Variants in EYS observed in about 807,000 individuals in gnomAD.
EYS encodes protein eyes shut homolog.
Under a neutral mutation model 282.1 loss-of-function variants are expected in EYS, and 250 were observed. The observed-to-expected ratio is 0.89, with a 90% CI of 0.80 to 0.98. EYS has a LOEUF of 0.98. Ranked by LOEUF, EYS falls within the 50% of genes least tolerant of loss-of-function variation. EYS has a pLI of 0.00. For synonymous variants in EYS, 1,355 were observed against 1,282.9 expected (o/e 1.06, Z -1.20); for missense variants, 4,016 against 3,709.0 (o/e 1.08, Z -2.15).
At chr6:64,292,071 A>G (rs1312902751) in intron 30 of EYS, among the ~76,000 whole-genome samples, 3 of 152,124 alleles carry the variant, frequency 2.0e-5, no homozygotes, top group Admixed American at 2.0e-4. Flanking sequence ...AATTTTCCTA[A>G]GATTATGTCA....
chr6:64,278,848 C>T (rs150347486), intron 30 of EYS, among the ~76,000 whole-genome samples: 2 of 152,086 alleles, frequency 1.3e-5, no homozygotes, highest in African/African-American at 2.4e-5. Context: ...ACTGTAACCT[C>T]GAACTCCTGG....
intron 13 of EYS, among the ~76,000 whole-genome samples, chr6:65,055,525 T>C (rs1362755575): frequency 6.6e-6 from 1 of 152,078 alleles, no homozygotes; most frequent in East Asian, 1.9e-4. Context: ...TTTCCTTAGT[T>C]TTAAGCTGAT....
chr6:64,151,769 C>G (rs545320861), intron 31 of EYS, among the ~76,000 whole-genome samples: 2 of 152,078 alleles, frequency 1.3e-5, no homozygotes, highest in African/African-American at 4.8e-5. Flanking sequence ...ACTGTAGAAG[C>G]AGTAATATTT....
chr6:65,040,534 A>C (rs1772902443), intron 13 of EYS, among the ~76,000 whole-genome samples: 1 of 151,800 alleles, frequency 6.6e-6, no homozygotes, highest in South Asian at 2.1e-4. Context: ...ATTTACAAAT[A>C]ACATTACATT....
intron 22 of EYS, among the ~76,000 whole-genome samples, chr6:64,674,116 G>T (rs771980957): frequency 7.9e-5 from 12 of 151,964 alleles, no homozygotes; most frequent in Non-Finnish European, 1.2e-4. Flanking sequence ...TTGCATAGAG[G>T]CCTATGAACT....
At chr6:65,008,750 C>A (rs1374827308) in intron 13 of EYS, among the ~76,000 whole-genome samples, 1 of 152,154 alleles carries the variant, frequency 6.6e-6, no homozygotes, top group South Asian at 2.1e-4. Flanking sequence ...GTGCCTGGGG[C>A]AAGCGCCAGC....
At chr6:64,114,761 G>A (rs1773318480) in intron 31 of EYS, among the ~76,000 whole-genome samples, 1 of 152,106 alleles carries the variant, frequency 6.6e-6, no homozygotes, top group Non-Finnish European at 1.5e-5. Flanking sequence ...GTGTTTGTAG[G>A]CATGGACCCC....
At chr6:64,196,445 G>A (rs1463500831) in intron 31 of EYS, among the ~76,000 whole-genome samples, 4 of 152,044 alleles carry the variant, frequency 2.6e-5, no homozygotes, top group African/African-American at 4.8e-5. Flanking sequence ...ACATGCACAC[G>A]TATGTTTATT....
intron 15 of EYS, among the ~76,000 whole-genome samples, chr6:64,921,952 T>A (rs1374639334): frequency 2.0e-5 from 3 of 151,784 alleles, no homozygotes; most frequent in African/African-American, 7.3e-5. Flanking sequence ...TGAAAAATTT[T>A]AAAAAACAAG....
At chr6:64,809,642 A>G (rs2150013511) in intron 22 of EYS, among the ~76,000 whole-genome samples, 1 of 152,268 alleles carries the variant, frequency 6.6e-6, no homozygotes, top group Non-Finnish European at 1.5e-5. Context: ...CTATGCAGCC[A>G]CAAAAAATAA....
At chr6:64,937,362 C>T (rs1425307330) in intron 15 of EYS, among the ~76,000 whole-genome samples, 1 of 151,452 alleles carries the variant, frequency 6.6e-6, no homozygotes, top group Non-Finnish European at 1.5e-5. Flanking sequence ...AGATAACTCA[C>T]ATAATGGAAG....
chr6:65,091,997 A>G (rs949743618), intron 12 of EYS, among the ~76,000 whole-genome samples: 1 of 152,094 alleles, frequency 6.6e-6, no homozygotes, highest in Non-Finnish European at 1.5e-5. Flanking sequence ...TTGGGTTGAA[A>G]TCTGAAAATT....
intron 41 of EYS, among the ~76,000 whole-genome samples, chr6:63,753,399 C>G (rs1769395584): frequency 2.0e-5 from 3 of 151,818 alleles, no homozygotes; most frequent in African/African-American, 7.3e-5. Flanking sequence ...TGAGACCCAT[C>G]TATTTGGAAG....
rs147252868 is a variant in EYS at position 64,549,306 on chromosome 6, C to T, written c.5644+40917G>A. 1.8e-4 allele frequency among the ~76,000 whole-genome samples: 28 copies of T among 152,272 alleles called. No individual in the cohort carries two copies. In the East Asian group the frequency reaches 4.4e-3, roughly 24 times the overall value. On this transcript the variant is annotated intron_variant, in intron 26 of 42. Coordinates refer to ENST00000503581, the MANE Select transcript of EYS (RefSeq NM_001142800.2). ...AAAACTGACATGTTCCTGGAAGATG[C>T]CAATGGTACTGCTATAATTATTTGT...
At chr6:64,610,183 GA>G (rs1767063565) in intron 24 of EYS, among the ~76,000 whole-genome samples, 1 of 151,816 alleles carries the variant, frequency 6.6e-6, no homozygotes, top group Non-Finnish European at 1.5e-5. Context: ...CCATCTAATT[GA>G]AGTCTAAAAT....
intron 2 of EYS, among the ~76,000 whole-genome samples, chr6:65,539,960 G>A (rs1057178945): frequency 5.9e-5 from 9 of 152,196 alleles, no homozygotes; most frequent in African/African-American, 2.2e-4. Flanking sequence ...ACTATAGCAC[G>A]CAGCCATCTG....
At chr6:64,122,659 T>A (rs1256799351) in intron 31 of EYS, among the ~76,000 whole-genome samples, 2 of 151,242 alleles carry the variant, frequency 1.3e-5, no homozygotes, top group Non-Finnish European at 2.9e-5. Flanking sequence ...ATCTCATTAA[T>A]ATGTTAAAAA....
At chr6:64,560,454 T>G (rs1265630341) in intron 26 of EYS, among the ~76,000 whole-genome samples, 2 of 152,216 alleles carry the variant, frequency 1.3e-5, no homozygotes, top group East Asian at 3.9e-4. Context: ...TAAAGAAAAG[T>G]TCCATTATGT....
rs180911540 is a variant in EYS at position 65,429,514 on chromosome 6, C to T, written c.863-24147G>A. On this transcript the variant is annotated intron_variant, in intron 5 of 42. Transcript: ENST00000503581. ...AGAAAGCTAAATACTAATATCTGAGCCCTACCATAGTGGCTTCATTGTCCG... is the reference window on the plus strand; with the variant it reads ...AGAAAGCTAAATACTAATATCTGAGTCCTACCATAGTGGCTTCATTGTCCG... 2.1e-3 allele frequency among the ~76,000 whole-genome samples: 327 copies of T among 152,254 alleles called. 2 individuals are homozygous for T. The highest frequency in any genetic ancestry group is 7.6e-3 in the African/African-American group (314 of 41,552).
Sources: gnomAD v4.1 joint callset for allele counts (sites outside exome capture counted in the v4.1 genomes callset) on GRCh38, gnomAD v4.1.1 for gene constraint, MANE v1.5 for transcripts, NCBI Gene and HGNC (gene_info 2026-07-23, HGNC 2026-07-21) for gene names.